Variants in FOXP2 observed in about 807,000 individuals in gnomAD.
The protein encoded by FOXP2 is forkhead box P2, also known as forkhead box protein P2.
Under a neutral mutation model 115.8 loss-of-function variants are expected in FOXP2, and 12 were observed. That is an observed-to-expected ratio of 0.10 (90% confidence interval 0.07 to 0.17). FOXP2 has a LOEUF of 0.17. FOXP2 is among the 10% of genes least tolerant of loss of function. The pLI is 1.00. For missense variants in FOXP2, 629 were observed against 843.5 expected, an observed-to-expected ratio of 0.75 and a Z score of 3.15; for synonymous variants, 328 against 297.7, an observed-to-expected ratio of 1.10 and a Z score of -1.05.
intron 2 of FOXP2, among the ~76,000 whole-genome samples, chr7:114,364,280 G>C (rs1527148): frequency 6.6e-6 from 1 of 152,056 alleles, no homozygotes; most frequent in African/African-American, 2.4e-5. Context: ...AGTGGAGGTC[G>C]TGGAGGTCAT....
At chr7:114,316,318 T>C (rs1027514315) in intron 2 of FOXP2, among the ~76,000 whole-genome samples, 2 of 152,214 alleles carry the variant, frequency 1.3e-5, no homozygotes, top group Non-Finnish European at 2.9e-5. Context: ...AAATATACAT[T>C]ACTCTAATTC....
At chr7:114,123,832 T>C (rs956493028) in intron 1 of FOXP2, among the ~76,000 whole-genome samples, 1 of 152,118 alleles carries the variant, frequency 6.6e-6, no homozygotes, top group Non-Finnish European at 1.5e-5. Context: ...GCATTTGGGT[T>C]TTCTACCATA....
At chr7:114,620,978 C>A (rs925538824) in intron 3 of FOXP2, among the ~76,000 whole-genome samples, 1 of 152,018 alleles carries the variant, frequency 6.6e-6, no homozygotes, top group Non-Finnish European at 1.5e-5. Flanking sequence ...GCAAAACTCT[C>A]TCTCCTACCA....
chr7:114,676,218 T>C (rs1158401890), intron 16 of FOXP2, among the ~76,000 whole-genome samples: 1 of 151,830 alleles, frequency 6.6e-6, no homozygotes, highest in East Asian at 1.9e-4. Flanking sequence ...CGTGAGCCAC[T>C]GTACCCGGCC....
chr7:114,358,865 A>T (rs1304765911), intron 2 of FOXP2, among the ~76,000 whole-genome samples: 1 of 152,158 alleles, frequency 6.6e-6, no homozygotes, highest in Non-Finnish European at 1.5e-5. Flanking sequence ...TTAAAAAGGG[A>T]GCAGAGGATA....
At chr7:114,649,835 G>A (rs1806135417) in intron 8 of FOXP2, among the ~76,000 whole-genome samples, 3 of 152,032 alleles carry the variant, frequency 2.0e-5, no homozygotes, top group Admixed American at 6.6e-5. Context: ...GATCATTGAA[G>A]GGCTGCAAGC....
intron 16 of FOXP2, among the ~76,000 whole-genome samples, chr7:114,685,626 GA>G (rs1398013101): frequency 6.6e-6 from 1 of 152,144 alleles, no homozygotes; most frequent in East Asian, 1.9e-4. Flanking sequence ...ACTGAGAATT[GA>G]GAGATTAAAG....
chr7:114,669,456 C>G (rs79789860), intron 16 of FOXP2: 1 of 151,872 alleles, frequency 6.6e-6, no homozygotes, highest in East Asian at 1.9e-4. Flanking sequence ...TAAAGGAAAA[C>G]GATACTTTAA....
At chr7:114,114,982 AGTT>A (rs1276492698) in intron 1 of FOXP2, among the ~76,000 whole-genome samples, 1 of 152,150 alleles carries the variant, frequency 6.6e-6, no homozygotes, top group East Asian at 1.9e-4. Context: ...TTACTTAAAC[AGTT>A]GTTTTATTTT....
At chr7:114,610,100 A>T (rs1029186456) in intron 3 of FOXP2, among the ~76,000 whole-genome samples, 6 of 152,234 alleles carry the variant, frequency 3.9e-5, no homozygotes, top group Admixed American at 3.9e-4. Flanking sequence ...ATCATGATGC[A>T]TATCTGTTGT....
At chr7:114,652,122 G>A in intron 8 of FOXP2, 81 bp from the exon 9 acceptor site, 1 of 1,282,620 alleles carries the variant, frequency 7.8e-7, no homozygotes, top group Admixed American at 1.8e-5. Flanking sequence ...TCTGACTTCA[G>A]TGTAGTGCTT....
Position 114,632,201 on chromosome 7 carries a change from C to A in FOXP2, c.775+496C>A, listed in dbSNP as rs541462408. ...ACATTCCAAGTTAAGCTTTGTAGAA[C>A]CCCATCCTATGTCACAGGACATATC... On this transcript the variant is annotated intron_variant, in intron 6 of 16. Coordinates refer to ENST00000350908, the MANE Select transcript of FOXP2 (RefSeq NM_014491.4). Among the ~76,000 whole-genome samples, 56 of 152,306 alleles carry A rather than the reference C, an allele frequency of 3.7e-4. 1 individual carries two copies. The South Asian group carries it at 0.011, about 30-fold the overall frequency.
At chr7:114,650,220 A>G (rs913729774) in intron 8 of FOXP2, among the ~76,000 whole-genome samples, 2 of 152,146 alleles carry the variant, frequency 1.3e-5, no homozygotes, top group Non-Finnish European at 2.9e-5. Context: ...ACTAAGCAGT[A>G]AACAAGTGTA....
intron 2 of FOXP2, among the ~76,000 whole-genome samples, chr7:114,455,990 C>T (rs1795297602): frequency 6.6e-6 from 1 of 152,104 alleles, no homozygotes; most frequent in South Asian, 2.1e-4. Context: ...GCCTAAAATG[C>T]CCATCTCACT....
chr7:114,381,832 G>A (rs1792310765), intron 2 of FOXP2, among the ~76,000 whole-genome samples: 1 of 152,064 alleles, frequency 6.6e-6, no homozygotes, highest in Admixed American at 6.5e-5. Context: ...GTTCTTGTTG[G>A]GTCTCGGGTC....
At chr7:114,650,796 T>C (rs1806205485) in intron 8 of FOXP2, among the ~76,000 whole-genome samples, 2 of 151,940 alleles carry the variant, frequency 1.3e-5, no homozygotes, top group African/African-American at 2.4e-5. Flanking sequence ...CTTGCTATTT[T>C]AGTCCACAGT....
rs942080954 is a variant in FOXP2 at position 114,143,965 on chromosome 7, T to A, written c.-246-18979T>A. Among the ~76,000 whole-genome samples the A allele has an allele frequency of 2.0e-5, 3 of 152,178 alleles. No homozygotes were observed. The South Asian group carries it at 6.2e-4, about 31-fold the overall frequency. On this transcript the variant is annotated intron_variant, in intron 1 of 19. Coordinates refer to the FOXP2 transcript ENST00000635638. Reference sequence around the variant, plus strand: ...GACTTATAATTTTCTGATTTTAGGATGGTGCAGACCTGCCCAATTTCAGAT... The same window carrying A: ...GACTTATAATTTTCTGATTTTAGGAAGGTGCAGACCTGCCCAATTTCAGAT...
intron 1 of FOXP2, among the ~76,000 whole-genome samples, chr7:114,165,178 C>A (rs937328639): frequency 3.9e-5 from 6 of 152,108 alleles, no homozygotes; most frequent in African/African-American, 1.4e-4. Context: ...CATGAAAAAT[C>A]TATTGATGAG....
intron 1 of FOXP2, among the ~76,000 whole-genome samples, chr7:114,179,956 C>T (rs1328351835): frequency 6.6e-6 from 1 of 151,826 alleles, no homozygotes; most frequent in Non-Finnish European, 1.5e-5. Flanking sequence ...ACTCTTGGAC[C>T]AGTCTCCTTT....
Sources: gnomAD v4.1 joint callset for allele counts (sites outside exome capture counted in the v4.1 genomes callset) on GRCh38, gnomAD v4.1.1 for gene constraint, MANE v1.5 for transcripts, NCBI Gene and HGNC (gene_info 2026-07-23, HGNC 2026-07-21) for gene names.